TBCK: variants seen among roughly 807,000 people sequenced by gnomAD.
The protein encoded by TBCK is TBC domain-containing protein kinase-like protein.
A neutral mutation model predicts 113.4 loss-of-function variants in TBCK; 99 were observed. The ratio of observed to expected loss-of-function variants is 0.87; its 90% CI spans 0.74 to 1.03. TBCK has a LOEUF of 1.03. TBCK is among the 50% of genes least tolerant of loss of function. TBCK has a pLI of 0.00. For synonymous variants in TBCK, 369 were observed against 370.8 expected, an observed-to-expected ratio of 1.00 and a Z score of 0.05; for missense variants, 1,045 against 1,061.3, an observed-to-expected ratio of 0.98 and a Z score of 0.21.
chr4:106,135,014 T>G (rs1350609526), intron 23 of TBCK, among the ~76,000 whole-genome samples: 4 of 152,168 alleles, frequency 2.6e-5, no homozygotes, highest in Admixed American at 1.3e-4. Flanking sequence ...GGATCCCAAA[T>G]GAAGCAGGTT....
At chr4:106,194,870 T>C (rs2149817289) in intron 20 of TBCK, 116 bp from the exon 21 acceptor site, 1 of 945,420 alleles carries the variant, frequency 1.1e-6, no homozygotes, top group Non-Finnish European at 1.6e-6. Flanking sequence ...GTCTACTTTA[T>C]TGGTTAAAAT....
upstream of TBCK, chr4:106,316,592 C>A: frequency 6.4e-7 from 1 of 1,551,476 alleles, no homozygotes; most frequent in Non-Finnish European, 8.7e-7. Flanking sequence ...TCCTCCGCTT[C>A]ATGTGAGTGA....
chr4:106,159,482 T>C (rs1749508309), intron 23 of TBCK, among the ~76,000 whole-genome samples: 1 of 152,048 alleles, frequency 6.6e-6, no homozygotes, highest in Admixed American at 6.6e-5. Context: ...TATTTCTATA[T>C]ACTAACAATG....
At chr4:106,117,206 A>T (rs1743626081) in intron 23 of TBCK, among the ~76,000 whole-genome samples, 1 of 152,228 alleles carries the variant, frequency 6.6e-6, no homozygotes, top group Admixed American at 6.5e-5. Context: ...CTTTAAAAAA[A>T]ACAGCTCCTT....
intron 24 of TBCK, among the ~76,000 whole-genome samples, chr4:106,111,838 C>A (rs991970123): frequency 6.6e-6 from 1 of 152,108 alleles, no homozygotes; most frequent in African/African-American, 2.4e-5. Context: ...AAATGATGAT[C>A]AGAAATTACT....
chr4:106,183,147 C>A (rs867210180), intron 22 of TBCK, among the ~76,000 whole-genome samples: 2 of 152,074 alleles, frequency 1.3e-5, no homozygotes, highest in Admixed American at 6.6e-5. Flanking sequence ...CCCTGGACAG[C>A]TGCTCTCTTT....
chr4:106,297,552 T>C (rs1050615622), intron 2 of TBCK, among the ~76,000 whole-genome samples: 4 of 152,172 alleles, frequency 2.6e-5, no homozygotes, highest in African/African-American at 7.2e-5. Flanking sequence ...TTAATTCCTA[T>C]TTCTTTCCAA....
intron 20 of TBCK, among the ~76,000 whole-genome samples, chr4:106,198,405 C>T (rs1417188562): frequency 6.6e-6 from 1 of 152,084 alleles, no homozygotes; most frequent in Non-Finnish European, 1.5e-5. Flanking sequence ...TACTTCCCTA[C>T]ACATGTTCTA....
chr4:106,239,280 C>A (rs1759814913), intron 12 of TBCK, among the ~76,000 whole-genome samples: 2 of 152,090 alleles, frequency 1.3e-5, no homozygotes, highest in South Asian at 4.2e-4. Context: ...AGCTGAGAAG[C>A]CTTGTGAAGG....
chr4:106,063,428 T>C (rs1029892212), intron 25 of TBCK, among the ~76,000 whole-genome samples: 3 of 151,984 alleles, frequency 2.0e-5, no homozygotes, highest in African/African-American at 4.8e-5. Flanking sequence ...AAGAACTAGA[T>C]AGATACTATC....
At chr4:106,204,748 A>G (rs2149855089) in intron 20 of TBCK, among the ~76,000 whole-genome samples, 1 of 131,506 alleles carries the variant, frequency 7.6e-6, no homozygotes, top group East Asian at 2.2e-4. Flanking sequence ...CAGACAAACA[A>G]TGATTTTTTT....
chr4:106,273,244 G>C (rs997403054), intron 3 of TBCK, among the ~76,000 whole-genome samples: 1 of 152,118 alleles, frequency 6.6e-6, no homozygotes, highest in Admixed American at 6.5e-5. Context: ...TATTAACTGG[G>C]ATATCTAAAT....
At chr4:106,307,962 T>TA (rs995511608) in intron 2 of TBCK, among the ~76,000 whole-genome samples, 23 of 148,162 alleles carry the variant, frequency 1.6e-4, no homozygotes, top group South Asian at 4.3e-4. Flanking sequence ...TAATGGAGTT[T>TA]AAAAAAAAAA....
chr4:106,234,036 C>T (rs375737025), intron 15 of TBCK, among the ~76,000 whole-genome samples: 13 of 152,138 alleles, frequency 8.5e-5, no homozygotes, highest in African/African-American at 2.9e-4. Context: ...AGGTCATTTA[C>T]GCTTTTCAGT....
intron 1 of TBCK, chr4:106,310,501 T>C (rs1768084607): frequency 2.6e-5 from 4 of 152,248 alleles, no homozygotes; most frequent in South Asian, 2.1e-4. Flanking sequence ...TTGGCAGTTA[T>C]TTACACTCCA....
chr4:106,246,855 T>A (rs1260915714), intron 10 of TBCK, among the ~76,000 whole-genome samples: 2 of 152,120 alleles, frequency 1.3e-5, no homozygotes, highest in Non-Finnish European at 2.9e-5. Flanking sequence ...TTGTTGTTGT[T>A]GTTGTTTTTT....
intron 23 of TBCK, among the ~76,000 whole-genome samples, chr4:106,133,835 CCCCATCTCTA>C (rs1746240704): frequency 6.6e-6 from 1 of 151,994 alleles, no homozygotes; most frequent in African/African-American, 2.4e-5. Context: ...CAACATGAAA[CCCCATCTCTA>C]CCAAAACTAC....
At chr4:106,264,911 G>A (rs1203025711) in intron 3 of TBCK, among the ~76,000 whole-genome samples, 4 of 151,852 alleles carry the variant, frequency 2.6e-5, no homozygotes, top group Admixed American at 2.6e-4. Context: ...TTACTCCATT[G>A]TCTTATAGCA....
chr4:106,288,393 C>CA (rs929829007), intron 3 of TBCK, among the ~76,000 whole-genome samples: 3,619 of 140,128 alleles, frequency 0.026, 140 homozygotes, highest in African/African-American at 0.085. Flanking sequence ...GACTCCGTCT[C>CA]AAAAAAAAAA....
Sources: allele counts gnomAD v4.1 joint callset (sites outside exome capture counted in the v4.1 genomes callset), GRCh38; gene constraint gnomAD v4.1.1; transcripts MANE v1.5; gene names NCBI Gene and HGNC (gene_info 2026-07-23, HGNC 2026-07-21).